Variants in LYPLAL1 observed in about 807,000 individuals in gnomAD.
LYPLAL1 encodes lysophospholipase like 1, also known as lysophospholipase-like protein 1.
A neutral mutation model predicts 19.7 loss-of-function variants in LYPLAL1; 23 were observed. The observed-to-expected ratio is 1.17, with a 90% CI of 0.84 to 1.65. LYPLAL1 has a LOEUF of 1.65. LYPLAL1 is among the 40% of genes most tolerant of loss of function. The pLI is 0.00. For missense variants in LYPLAL1, 355 were observed against 279.4 expected, an observed-to-expected ratio of 1.27 and a Z score of -1.93; for synonymous variants, 119 against 96.3, an observed-to-expected ratio of 1.24 and a Z score of -1.38.
chr1:219,340,623 G>A, the LYPLAL1 span, among the ~76,000 whole-genome samples: 1 of 151,978 alleles, frequency 6.6e-6, no homozygotes, highest in Non-Finnish European at 1.5e-5. Context: ...ATTTTAGAAT[G>A]TTTTCCTTTT....
the LYPLAL1 span, among the ~76,000 whole-genome samples, chr1:219,355,368 T>C: frequency 1.3e-5 from 2 of 150,948 alleles, no homozygotes; most frequent in Non-Finnish European, 3.0e-5. Flanking sequence ...AAGCAAGCAA[T>C]CCCAAAAGAG....
chr1:219,233,977 G>A, the LYPLAL1 span, among the ~76,000 whole-genome samples: 4 of 152,150 alleles, frequency 2.6e-5, no homozygotes, highest in African/African-American at 9.7e-5. Context: ...TATGGGTGAT[G>A]GGGCAGAGGA....
chr1:219,333,991 T>G, the LYPLAL1 span, among the ~76,000 whole-genome samples: 4 of 152,170 alleles, frequency 2.6e-5, no homozygotes, highest in African/African-American at 9.6e-5. Context: ...AACTTTATGA[T>G]GGAAAACATT....
chr1:219,241,577 T>C, the LYPLAL1 span, among the ~76,000 whole-genome samples: 1 of 152,264 alleles, frequency 6.6e-6, no homozygotes, highest in South Asian at 2.1e-4. Flanking sequence ...GAGTTAAGAC[T>C]TCTGAGCCAC....
chr1:219,351,694 C>T, the LYPLAL1 span, among the ~76,000 whole-genome samples: 1 of 152,158 alleles, frequency 6.6e-6, no homozygotes, highest in Admixed American at 6.5e-5. Flanking sequence ...ATTTTATTCC[C>T]AAAGTTATTC....
the LYPLAL1 span, among the ~76,000 whole-genome samples, chr1:219,254,486 C>T: frequency 6.6e-6 from 1 of 151,942 alleles, no homozygotes; most frequent in Admixed American, 6.6e-5. Flanking sequence ...GTAATGAATT[C>T]CCTCAACATT....
At chr1:219,245,186 T>G in the LYPLAL1 span, among the ~76,000 whole-genome samples, 1 of 16,558 alleles carries the variant, frequency 6.0e-5, no homozygotes, top group Non-Finnish European at 1.7e-4. Context: ...CCTTCCTTCC[T>G]TCCTTCCTTC....
chr1:219,328,703 A>G, the LYPLAL1 span, among the ~76,000 whole-genome samples: 3 of 152,182 alleles, frequency 2.0e-5, no homozygotes, highest in African/African-American at 7.2e-5. Flanking sequence ...AATTATATAC[A>G]GTATCTATAT....
At chr1:219,421,854 G>A in the LYPLAL1 span, among the ~76,000 whole-genome samples, 1 of 152,216 alleles carries the variant, frequency 6.6e-6, no homozygotes, top group South Asian at 2.1e-4. Flanking sequence ...AAAACCTTAC[G>A]AAGTTAAAGG....
chr1:219,215,947 T>A (rs919551356), downstream of LYPLAL1, among the ~76,000 whole-genome samples: 1 of 152,148 alleles, frequency 6.6e-6, no homozygotes, highest in African/African-American at 2.4e-5. Context: ...AAAAAGATTT[T>A]AAAATTTTTT....
At chr1:219,255,043 C>T in the LYPLAL1 span, among the ~76,000 whole-genome samples, 2 of 151,770 alleles carry the variant, frequency 1.3e-5, no homozygotes, top group Non-Finnish European at 2.9e-5. Context: ...TTTTCCTCAG[C>T]TCGGTTTATT....
the LYPLAL1 span, among the ~76,000 whole-genome samples, chr1:219,352,230 G>T: frequency 1.3e-5 from 2 of 152,258 alleles, no homozygotes; most frequent in Admixed American, 1.3e-4. Context: ...ATAAATTGGG[G>T]ATAATAACAT....
At chr1:219,181,825 ATACT>A (rs879854228) in intron 2 of LYPLAL1, among the ~76,000 whole-genome samples, 45 of 152,196 alleles carry the variant, frequency 3.0e-4, no homozygotes, top group Admixed American at 2.2e-3. Context: ...AGTTTATATG[ATACT>A]TACTTCTGTA....
At chr1:219,214,393 T>C (rs1014990103), downstream of LYPLAL1, among the ~76,000 whole-genome samples, 1 of 152,134 alleles carries the variant, frequency 6.6e-6, no homozygotes, top group African/African-American at 2.4e-5. Context: ...ATAAAATAGA[T>C]TGGGTAGTAT....
At chr1:219,182,461 G>A (rs1227188806) in intron 2 of LYPLAL1, among the ~76,000 whole-genome samples, 1 of 152,004 alleles carries the variant, frequency 6.6e-6, no homozygotes, top group Non-Finnish European at 1.5e-5. Flanking sequence ...TTCTTGTGCT[G>A]CTAATAAGAG....
At chr1:219,244,940 G>A in the LYPLAL1 span, among the ~76,000 whole-genome samples, 1 of 143,618 alleles carries the variant, frequency 7.0e-6, no homozygotes, top group Non-Finnish European at 1.5e-5. Context: ...AAAAACACTT[G>A]CCATAAATTT....
chr1:219,438,808 G>A, the LYPLAL1 span, among the ~76,000 whole-genome samples: 1 of 152,174 alleles, frequency 6.6e-6, no homozygotes, highest in African/African-American at 2.4e-5. Context: ...AAACTAAAAT[G>A]GGGAGTGTTC....
At chr1:219,265,108 A>G in the LYPLAL1 span, among the ~76,000 whole-genome samples, 6 of 152,212 alleles carry the variant, frequency 3.9e-5, no homozygotes, top group African/African-American at 1.2e-4. Context: ...CATTAATGGC[A>G]ATAAATGGGC....
the LYPLAL1 span, among the ~76,000 whole-genome samples, chr1:219,376,304 CT>C: frequency 6.6e-6 from 1 of 152,050 alleles, no homozygotes. Context: ...AAAGTTGAAC[CT>C]TTATCTTACA....
Sources: gnomAD v4.1 joint callset for allele counts (sites outside exome capture counted in the v4.1 genomes callset) on GRCh38, gnomAD v4.1.1 for gene constraint, MANE v1.5 for transcripts, NCBI Gene and HGNC (gene_info 2026-07-23, HGNC 2026-07-21) for gene names.